The following LRBA variants were observed in gnomAD, a reference collection of about 807,000 sequenced individuals.
LRBA encodes lipopolysaccharide-responsive and beige-like anchor protein.
A neutral mutation model predicts 330.0 loss-of-function variants in LRBA; 176 were observed. That is an observed-to-expected ratio of 0.53 (90% CI 0.47 to 0.60). The LOEUF is 0.60. Among genes scored for constraint, LRBA ranks in the 20% least tolerant of loss-of-function variants. The probability of loss-of-function intolerance (pLI) is 0.00; values close to 1 mark genes in which losing one functional copy is unlikely to be tolerated. For synonymous variants in LRBA, 1,230 were observed against 1,193.0 expected, an observed-to-expected ratio of 1.03 and a Z score of -0.64; for missense variants, 3,259 against 3,444.8, an observed-to-expected ratio of 0.95 and a Z score of 1.35.
At chr4:150,504,105 T>C (rs1760700391) in intron 40 of LRBA, among the ~76,000 whole-genome samples, 1 of 152,050 alleles carries the variant, frequency 6.6e-6, no homozygotes, top group Admixed American at 6.6e-5. Flanking sequence ...AAAGACCAAA[T>C]CTACATCTGA....
intron 37 of LRBA, among the ~76,000 whole-genome samples, chr4:150,629,744 T>C (rs1403574875): frequency 3.3e-5 from 5 of 151,978 alleles, no homozygotes; most frequent in African/African-American, 7.2e-5. Context: ...CCGAGCTGCA[T>C]GGATTGCCTG....
At chr4:151,004,965 T>C (rs1743836541) in intron 2 of LRBA, among the ~76,000 whole-genome samples, 2 of 151,938 alleles carry the variant, frequency 1.3e-5, no homozygotes, top group Non-Finnish European at 2.9e-5. Flanking sequence ...CACTCCAGCC[T>C]GGGCGACAGA....
chr4:150,406,789 T>A (rs1473537356), intron 47 of LRBA, among the ~76,000 whole-genome samples: 2 of 151,534 alleles, frequency 1.3e-5, no homozygotes, highest in Admixed American at 1.3e-4. Flanking sequence ...ATTGAGGAAT[T>A]TTTTTTTTGG....
intron 47 of LRBA, among the ~76,000 whole-genome samples, chr4:150,354,241 A>T (rs141954678): frequency 0.012 from 1,888 of 152,190 alleles, 30 homozygotes; most frequent in African/African-American, 0.042. Flanking sequence ...AAGATTTTTT[A>T]AAAAAATTCT....
intron 37 of LRBA, among the ~76,000 whole-genome samples, chr4:150,621,832 T>C (rs1472321536): frequency 2.6e-5 from 4 of 152,162 alleles, no homozygotes; most frequent in Admixed American, 2.6e-4. Flanking sequence ...ATACAACTAT[T>C]TGTGCAGTTG....
chr4:150,995,231 A>G (rs1220763396), intron 2 of LRBA, among the ~76,000 whole-genome samples: 1 of 152,128 alleles, frequency 6.6e-6, no homozygotes, highest in Non-Finnish European at 1.5e-5. Flanking sequence ...AAGAGACTAG[A>G]GCATGACAGA....
intron 35 of LRBA, among the ~76,000 whole-genome samples, chr4:150,739,733 GT>G (rs1177763873): frequency 6.6e-6 from 1 of 152,190 alleles, no homozygotes; most frequent in Non-Finnish European, 1.5e-5. Context: ...GCTGCCCTGT[GT>G]AAAGGCCTCC....
chr4:150,277,474 C>A (rs1450301433), intron 56 of LRBA, among the ~76,000 whole-genome samples: 2 of 152,002 alleles, frequency 1.3e-5, no homozygotes, highest in Admixed American at 1.3e-4. Flanking sequence ...TAATCAGAGC[C>A]TTTGCTACTT....
chr4:150,975,396 C>A (rs1740039522), intron 2 of LRBA, among the ~76,000 whole-genome samples: 1 of 151,706 alleles, frequency 6.6e-6, no homozygotes, highest in South Asian at 2.1e-4. Context: ...TGTGGTGGTG[C>A]ATGCCTGTAA....
At chr4:150,560,757 C>T (rs1214935274) in intron 40 of LRBA, among the ~76,000 whole-genome samples, 8 of 152,092 alleles carry the variant, frequency 5.3e-5, no homozygotes, top group African/African-American at 1.7e-4. Flanking sequence ...GAGGCCGAGG[C>T]GGGCAGATCA....
intron 36 of LRBA, among the ~76,000 whole-genome samples, chr4:150,693,733 C>A (rs933427836): frequency 3.9e-5 from 6 of 152,054 alleles, no homozygotes; most frequent in Non-Finnish European, 2.9e-5. Flanking sequence ...AAACTTCTCA[C>A]AAACTCTTCG....
chr4:150,639,835 A>G (rs369601817), intron 37 of LRBA, among the ~76,000 whole-genome samples: 891 of 22,600 alleles, frequency 0.039, 184 homozygotes, highest in Non-Finnish European at 0.068. Flanking sequence ...ATATATATAT[A>G]TATATATATA....
intron 47 of LRBA, among the ~76,000 whole-genome samples, chr4:150,380,828 A>C (rs1742109944): frequency 6.6e-6 from 1 of 151,480 alleles, no homozygotes; most frequent in African/African-American, 2.4e-5. Flanking sequence ...ATACAAAAAA[A>C]AAAATTAGCC....
Position 150,921,193 on chromosome 4 carries a change from C to T in LRBA, c.645+5G>A. On this transcript the variant is annotated splice_donor_5th_base_variant and intron_variant, in intron 5 of 56. Coordinates refer to ENST00000651943, the MANE Select transcript of LRBA (RefSeq NM_001364905.1). Reference sequence around the variant, plus strand: ...GGAGTGATTTCCTCATTAATATTTACTTACTGCAGCACTCTTTCCTGGAAA... The same window carrying T: ...GGAGTGATTTCCTCATTAATATTTATTTACTGCAGCACTCTTTCCTGGAAA... 1 of 1,582,456 alleles carries T rather than the reference C, an allele frequency of 6.3e-7. No homozygotes were observed. The highest frequency in any genetic ancestry group is 8.7e-7 in the Non-Finnish European group (1 of 1,151,618).
chr4:150,482,601 T>C (rs7688593), intron 42 of LRBA, among the ~76,000 whole-genome samples: 19 of 152,098 alleles, frequency 1.2e-4, no homozygotes, highest in African/African-American at 4.6e-4. Flanking sequence ...TAATTCTATA[T>C]GAAAGTGCCA....
chr4:150,808,931 G>A (rs1743198362), intron 31 of LRBA, among the ~76,000 whole-genome samples: 2 of 152,016 alleles, frequency 1.3e-5, no homozygotes, highest in Non-Finnish European at 2.9e-5. Flanking sequence ...TTCCCCTTAT[G>A]CCCCAAATAC....
chr4:150,569,616 G>A (rs1449211151), intron 40 of LRBA, among the ~76,000 whole-genome samples: 2 of 152,100 alleles, frequency 1.3e-5, no homozygotes, highest in African/African-American at 4.8e-5. Context: ...CTTTGATCAA[G>A]CTGCCTCAAT....
chr4:150,963,376 G>A (rs554002106), intron 2 of LRBA, among the ~76,000 whole-genome samples: 7 of 149,610 alleles, frequency 4.7e-5, no homozygotes, highest in Non-Finnish European at 7.4e-5. Flanking sequence ...TGGTGGAGAC[G>A]GGGTTTCGCC....
At chr4:150,740,100 C>G (rs974212847) in intron 35 of LRBA, among the ~76,000 whole-genome samples, 1 of 151,922 alleles carries the variant, frequency 6.6e-6, no homozygotes, top group South Asian at 2.1e-4. Flanking sequence ...CTGAAAAAAA[C>G]GCACACATAA....
Sources: allele counts gnomAD v4.1 joint callset (sites outside exome capture counted in the v4.1 genomes callset), GRCh38; gene constraint gnomAD v4.1.1; transcripts MANE v1.5; gene names NCBI Gene and HGNC (gene_info 2026-07-23, HGNC 2026-07-21).